Variants in CLIP4 observed in about 807,000 individuals in gnomAD.
CLIP4 encodes the protein CAP-Gly domain containing linker protein family member 4, also known as CAP-Gly domain-containing linker protein 4.
CLIP4 carries 47 observed loss-of-function variants against 73.1 expected under a neutral mutation model. The ratio of observed to expected loss-of-function variants is 0.64; its 90% CI spans 0.51 to 0.82. The LOEUF is 0.82. Among genes scored for constraint, CLIP4 ranks in the 40% least tolerant of loss-of-function variants. The probability of loss-of-function intolerance (pLI) is 0.00; values close to 1 mark genes in which losing one functional copy is unlikely to be tolerated. For synonymous variants in CLIP4, 306 were observed against 295.4 expected (o/e 1.04, Z -0.37); for missense variants, 874 against 852.9 (o/e 1.02, Z -0.31).
chr2:29,175,833 C>T (rs1306719262), intron 15 of CLIP4, among the ~76,000 whole-genome samples: 5 of 152,080 alleles, frequency 3.3e-5, no homozygotes, highest in Non-Finnish European at 7.4e-5. Context: ...GTGATCTCGG[C>T]TCACTGCAAG....
chr2:29,147,630 T>C (rs1666260448), intron 8 of CLIP4, among the ~76,000 whole-genome samples: 1 of 152,184 alleles, frequency 6.6e-6, no homozygotes, highest in African/African-American at 2.4e-5. Context: ...ATGATATTTC[T>C]GTGTAATGTA....
chr2:29,109,802 T>C (rs982233885), intron 1 of CLIP4, among the ~76,000 whole-genome samples: 1 of 152,148 alleles, frequency 6.6e-6, no homozygotes, highest in Non-Finnish European at 1.5e-5. Flanking sequence ...CTCATGCCTG[T>C]AATCCAGCAG....
Position 29,134,722 on chromosome 2 carries a change from C to T in CLIP4, c.530-826C>T, listed in dbSNP as rs140291880. ...AGAGGTATATTTAAACCCTTGTTAT[C>T]GAAAATACTCAAGATGGGATTCCCA... On this transcript the variant is annotated intron_variant, in intron 5 of 15. Transcript: ENST00000320081. Among the ~76,000 whole-genome samples, 939 of 151,916 alleles carry T rather than the reference C, an allele frequency of 6.2e-3. 6 individuals are homozygous for T. Among genetic ancestry groups the T allele is most frequent in the South Asian group, 0.011 (52 of 4,804 alleles).
At position 29,169,284 on chromosome 2, in the gene CLIP4, T is replaced by C. The variant is rs576278971; in HGVS notation, c.1723+1744T>C. Reference sequence around the variant, plus strand: ...TATTCTAAGGCCTTTCTCTATGGCTTGTAGATGGCCTTCTATCTCTGGTGT... The same window carrying C: ...TATTCTAAGGCCTTTCTCTATGGCTCGTAGATGGCCTTCTATCTCTGGTGT... On this transcript the variant is annotated intron_variant, in intron 14 of 15. Coordinates refer to ENST00000320081, the MANE Select transcript of CLIP4 (RefSeq NM_024692.6). Among the ~76,000 whole-genome samples the C allele has an allele frequency of 3.3e-5, 5 of 152,076 alleles. No individual in the cohort carries two copies. The East Asian group carries it at 9.7e-4, about 29-fold the overall frequency.
At chr2:29,114,105 A>T (rs994390022), upstream of CLIP4, 1 of 145,344 alleles carries the variant, frequency 6.9e-6, no homozygotes, top group African/African-American at 2.8e-5. Context: ...GTTTTAGTCA[A>T]GTGTGCTCCA....
intron 3 of CLIP4, 117 bp from the exon 4 acceptor site, chr2:29,132,035 C>T: frequency 4.2e-6 from 3 of 707,030 alleles, no homozygotes; most frequent in Middle Eastern, 3.5e-4. Flanking sequence ...ACTGTCTATA[C>T]ATTTTACTGA....
chr2:29,116,865 A>C (rs144154092), intron 1 of CLIP4, among the ~76,000 whole-genome samples: 1 of 152,360 alleles, frequency 6.6e-6, no homozygotes, highest in African/African-American at 2.4e-5. Flanking sequence ...TACCACATAC[A>C]GTCCCACCAG....
intron 8 of CLIP4, among the ~76,000 whole-genome samples, chr2:29,146,777 A>G (rs1219500546): frequency 1.3e-5 from 2 of 152,098 alleles, no homozygotes; most frequent in Non-Finnish European, 2.9e-5. Flanking sequence ...CTTGTGCCTC[A>G]GTTGTCTTCT....
chr2:29,156,665 G>A (rs562699517), intron 10 of CLIP4, among the ~76,000 whole-genome samples: 179 of 152,194 alleles, frequency 1.2e-3, no homozygotes, highest in African/African-American at 4.1e-3. Flanking sequence ...ACTTAAATTA[G>A]ATAACTACTG....
At chr2:29,136,572 T>G (rs985984910) in intron 6 of CLIP4, among the ~76,000 whole-genome samples, 15 of 152,018 alleles carry the variant, frequency 9.9e-5, no homozygotes, top group Non-Finnish European at 1.9e-4. Context: ...TCAGTTTTAC[T>G]GTAGTGTGCT....
intron 14 of CLIP4, among the ~76,000 whole-genome samples, chr2:29,172,634 TTTA>T (rs1668084631): frequency 6.6e-6 from 1 of 152,068 alleles, no homozygotes; most frequent in Non-Finnish European, 1.5e-5. Context: ...ACAATTCTTA[TTTA>T]TTATAATTAA....
intron 8 of CLIP4, among the ~76,000 whole-genome samples, chr2:29,148,826 C>G (rs1666350980): frequency 6.6e-6 from 1 of 152,138 alleles, no homozygotes; most frequent in Non-Finnish European, 1.5e-5. Flanking sequence ...TGTTGGTTGA[C>G]TTGTTTTTGG....
rs536862588 is a variant in CLIP4 at position 29,152,849 on chromosome 2, A to G, written c.1165+21A>G. 2.3e-4 allele frequency: 378 copies of G among 1,608,962 alleles called. 3 individuals carry two copies. In the South Asian group the frequency reaches 4.0e-3, roughly 17 times the overall value. On this transcript the variant is annotated intron_variant, in intron 9 of 15. Transcript: ENST00000320081. ...TACTGGTAGGTCAAACCAGAAAGTTAACCATCTGCTTCAGTGTTTTAATTT... is the reference window on the plus strand; with the variant it reads ...TACTGGTAGGTCAAACCAGAAAGTTGACCATCTGCTTCAGTGTTTTAATTT...
intron 2 of CLIP4, 140 bp downstream of exon 2, chr2:29,121,661 C>T (rs762993137): frequency 1.3e-5 from 12 of 921,328 alleles, no homozygotes; most frequent in Non-Finnish European, 2.0e-5. Context: ...TTCAAAAATA[C>T]AATTGCTTAT....
chr2:29,107,366 T>G (rs370101265), intron 1 of CLIP4, among the ~76,000 whole-genome samples: 25 of 107,554 alleles, frequency 2.3e-4, no homozygotes, highest in African/African-American at 7.4e-4. Context: ...TAGTTTTTTT[T>G]TTTTTTTTTT....
rs1366675238 is a variant in CLIP4 at position 29,183,533 on chromosome 2, A to G, written c.*1640A>G. On this transcript the variant is annotated 3_prime_UTR_variant, in exon 16 of 16. Transcript: ENST00000320081. Reference sequence around the variant, plus strand: ...CTATTTATACCTTAACATGAAATCCATGACCACACCAAACTTGGTTATTCA... The same window carrying G: ...CTATTTATACCTTAACATGAAATCCGTGACCACACCAAACTTGGTTATTCA... 1.3e-5 allele frequency: 2 copies of G among 152,662 alleles called. No homozygotes were observed. The highest frequency in any genetic ancestry group is 4.8e-5 in the African/African-American group (2 of 41,466). The allele number at this position is 152,662 out of a possible 1,614,324, so 9.5% of individuals were successfully genotyped here.
At chr2:29,144,155 A>AT (rs1188073545) in intron 7 of CLIP4, among the ~76,000 whole-genome samples, 15 of 152,226 alleles carry the variant, frequency 9.9e-5, no homozygotes, top group African/African-American at 3.6e-4. Context: ...TAAAGAAGAC[A>AT]TCTTTATTTG....
In CLIP4 at chr2:29,135,530, T is replaced by C; in HGVS notation, c.530-18T>C. 2 of 1,552,990 alleles carry C rather than the reference T, an allele frequency of 1.3e-6. No homozygotes were observed. Among genetic ancestry groups the C allele is most frequent in the Non-Finnish European group, 1.8e-6 (2 of 1,132,074 alleles). On this transcript the variant is annotated intron_variant, in intron 5 of 15. Coordinates refer to ENST00000320081, the MANE Select transcript of CLIP4 (RefSeq NM_024692.6). ...AGTTTAAACTTTTAGTTAATATACT[T>C]ATGATGTTTAATTGCAGATGTGGAT...
chr2:29,147,689 T>A (rs1666264175), intron 8 of CLIP4, among the ~76,000 whole-genome samples: 1 of 152,126 alleles, frequency 6.6e-6, no homozygotes, highest in African/African-American at 2.4e-5. Flanking sequence ...TTCAAACATT[T>A]ATCATTTGAG....
Sources: gnomAD v4.1 joint callset for allele counts (sites outside exome capture counted in the v4.1 genomes callset) on GRCh38, gnomAD v4.1.1 for gene constraint, MANE v1.5 for transcripts, NCBI Gene and HGNC (gene_info 2026-07-23, HGNC 2026-07-21) for gene names.